Variants in PDZD2 observed in about 807,000 individuals in gnomAD.
PDZD2 encodes PDZ domain containing 2, also known as PDZ domain-containing protein 2.
In PDZD2, 90 loss-of-function variants were observed where a neutral mutation model predicts 220.7. That is an observed-to-expected ratio of 0.41 (90% confidence interval 0.34 to 0.49). The LOEUF is 0.49. Among genes scored for constraint, PDZD2 ranks in the 20% least tolerant of loss-of-function variants. The pLI, the probability that PDZD2 is intolerant of heterozygous loss-of-function variation, is 0.28. For synonymous variants in PDZD2, 1,375 were observed against 1,450.5 expected (o/e 0.95, Z 1.18); for missense variants, 3,174 against 3,608.5 (o/e 0.88, Z 3.08).
chr5:31,710,572 C>G (rs927299738), intron 1 of PDZD2, among the ~76,000 whole-genome samples: 1 of 152,066 alleles, frequency 6.6e-6, no homozygotes, highest in Non-Finnish European at 1.5e-5. Context: ...AATCTCAGCA[C>G]TTCGGGAGGC....
intron 23 of PDZD2, chr5:32,100,632 T>TAACA: frequency 2.8e-6 from 1 of 355,886 alleles, no homozygotes; most frequent in Non-Finnish European, 5.5e-6. Flanking sequence ...GAGTCCATTC[T>TAACA]AACAGTCTCA....
chr5:31,662,774 C>T (rs559599327), intron 1 of PDZD2, among the ~76,000 whole-genome samples: 41 of 152,320 alleles, frequency 2.7e-4, no homozygotes, highest in East Asian at 5.8e-4. Flanking sequence ...GGACTACAGG[C>T]GCCCACCACC....
At position 31,983,298 on chromosome 5, in the gene PDZD2, A is replaced by G; in HGVS notation, c.620A>G (p.Asp207Gly). The change falls in exon 3 of 25, where the codon GAC becomes GGC. Residue 207 changes from aspartate (D) to glycine (G), a missense_variant. Asp to Gly is a moderately conservative substitution (Grantham distance 94, BLOSUM62 -1). This residue lies in a region of PDZD2 where 632 missense variants were observed against 708.1 expected (regional missense o/e 0.89). Transcript: ENST00000438447. ...PGETPTLELG[D>G]RTAKKGKRTR... ...GAAACACCTACCTTGGAGCTGGGTG[A>G]CCGAACTGCGAAAAAGGGGAAACGA... The G allele has an allele frequency of 2.5e-6, 4 of 1,614,186 alleles. No homozygotes were observed. The highest frequency in any genetic ancestry group is 1.7e-6 in the Non-Finnish European group (2 of 1,180,042).
chr5:32,003,298 ACAC>A (rs1391132668), intron 5 of PDZD2, among the ~76,000 whole-genome samples: 21 of 115,094 alleles, frequency 1.8e-4, no homozygotes, highest in Non-Finnish European at 2.7e-4. Context: ...ACCACAGCAA[ACAC>A]CACACCACAC....
intron 1 of PDZD2, among the ~76,000 whole-genome samples, chr5:31,666,677 T>C (rs1746000217): frequency 6.6e-6 from 1 of 152,202 alleles, no homozygotes; most frequent in African/African-American, 2.4e-5. Flanking sequence ...TACGCTCCAG[T>C]CTGAAAGCAT....
intron 1 of PDZD2, among the ~76,000 whole-genome samples, chr5:31,673,590 A>G (rs1450991626): frequency 6.6e-6 from 1 of 152,172 alleles, no homozygotes; most frequent in African/African-American, 2.4e-5. Context: ...CTCAGTCATC[A>G]ATGGGATGGT....
intron 2 of PDZD2, among the ~76,000 whole-genome samples, chr5:31,805,205 A>G (rs561716103): frequency 1.8e-4 from 27 of 152,212 alleles, no homozygotes; most frequent in Non-Finnish European, 3.7e-4. Context: ...CTCAAAATAA[A>G]TAAAATAAAA....
At chr5:31,866,856 A>G (rs1394413542) in intron 2 of PDZD2, among the ~76,000 whole-genome samples, 12 of 152,216 alleles carry the variant, frequency 7.9e-5, no homozygotes, top group Admixed American at 7.9e-4. Flanking sequence ...ACTGCTAGCA[A>G]TTAGCTGTCA....
intron 5 of PDZD2, among the ~76,000 whole-genome samples, chr5:32,001,257 G>A (rs1020345024): frequency 2.0e-5 from 3 of 152,212 alleles, no homozygotes; most frequent in Non-Finnish European, 4.4e-5. Flanking sequence ...TGTAGAGAGA[G>A]CGGCAGCTCT....
intron 2 of PDZD2, among the ~76,000 whole-genome samples, chr5:31,961,713 C>G (rs141882599): frequency 5.3e-5 from 8 of 152,270 alleles, no homozygotes; most frequent in Non-Finnish European, 1.0e-4. Context: ...GGCGCAATCT[C>G]GGCTCACTGC....
At chr5:32,060,486 T>G (rs1739563319) in intron 13 of PDZD2, among the ~76,000 whole-genome samples, 1 of 152,184 alleles carries the variant, frequency 6.6e-6, no homozygotes, top group Non-Finnish European at 1.5e-5. Flanking sequence ...CCTCCTTAAG[T>G]TATATTATAA....
intron 1 of PDZD2, among the ~76,000 whole-genome samples, chr5:31,647,034 T>G (rs921831432): frequency 2.0e-5 from 3 of 152,196 alleles, no homozygotes; most frequent in African/African-American, 7.2e-5. Flanking sequence ...ATTTCTTTAT[T>G]GGTGGCAGCT....
chr5:31,819,717 A>G (rs140092699), intron 2 of PDZD2, among the ~76,000 whole-genome samples: 4 of 151,746 alleles, frequency 2.6e-5, no homozygotes, highest in South Asian at 2.1e-4. Flanking sequence ...GTGTATATGT[A>G]TGAGTATATG....
At chr5:32,096,445 G>A (rs1293732027) in intron 21 of PDZD2, among the ~76,000 whole-genome samples, 2 of 152,056 alleles carry the variant, frequency 1.3e-5, no homozygotes, top group African/African-American at 2.4e-5. Flanking sequence ...AGCCTCCCAA[G>A]TAGCTGGAAT....
intron 6 of PDZD2, among the ~76,000 whole-genome samples, chr5:32,028,276 A>G (rs1247417671): frequency 2.6e-5 from 4 of 152,168 alleles, no homozygotes. Flanking sequence ...GAGCTCACAA[A>G]TGCTTTGAAA....
chr5:31,729,423 C>T (rs1467367058), intron 1 of PDZD2, among the ~76,000 whole-genome samples: 2 of 152,246 alleles, frequency 1.3e-5, no homozygotes, highest in African/African-American at 4.8e-5. Context: ...ACATGATCCT[C>T]ACAATCACCC....
chr5:31,860,596 C>A (rs1391231405), intron 2 of PDZD2, among the ~76,000 whole-genome samples: 1 of 152,188 alleles, frequency 6.6e-6, no homozygotes. Context: ...CTCAGTTTCT[C>A]CTTCTGTTGC....
intron 2 of PDZD2, among the ~76,000 whole-genome samples, chr5:31,950,741 C>T (rs1242316049): frequency 6.6e-6 from 1 of 152,104 alleles, no homozygotes; most frequent in Non-Finnish European, 1.5e-5. Flanking sequence ...ATTTCCTCAC[C>T]CTTGAAAGTA....
intron 1 of PDZD2, among the ~76,000 whole-genome samples, chr5:31,645,718 A>G (rs1366249686): frequency 6.6e-6 from 1 of 151,718 alleles, no homozygotes; most frequent in Admixed American, 6.6e-5. Flanking sequence ...AACACAACAG[A>G]CCCTGTTGTC....
Sources: allele counts gnomAD v4.1 joint callset (sites outside exome capture counted in the v4.1 genomes callset), GRCh38; gene constraint gnomAD v4.1.1; regional missense constraint gnomAD v4.1.1; transcripts MANE v1.5; gene names NCBI Gene and HGNC (gene_info 2026-07-23, HGNC 2026-07-21).